Variants in WFS1 observed in about 807,000 individuals in gnomAD.
The protein encoded by WFS1 is wolframin ER transmembrane glycoprotein.
Under a neutral mutation model 68.5 loss-of-function variants are expected in WFS1, and 90 were observed. The observed-to-expected ratio is 1.31, with a 90% CI of 1.11 to 1.56. WFS1 has a LOEUF of 1.56. Among genes scored for constraint, WFS1 ranks in the 40% most tolerant of loss-of-function variants. The pLI is 0.00. For synonymous variants in WFS1, 860 were observed against 540.7 expected (o/e 1.59, Z -8.19); for missense variants, 1,767 against 1,232.6 (o/e 1.43, Z -6.49).
rs1163955914 is a variant in WFS1, at chr4:6,301,358, G to A, written c.1563G>A (p.Leu521=). 5.0e-6 allele frequency: 8 copies of A among 1,612,496 alleles called. No homozygotes were observed. The highest frequency in any genetic ancestry group is 6.8e-6 in the Non-Finnish European group (8 of 1,180,032). The change falls in exon 8 of 8, where the codon CTG becomes CTA. Residue 521 remains leucine (L), a synonymous_variant. Transcript: ENST00000226760. ...ATCTCTTCTTCCGCATGGCACAGCT[G>A]AGGAATTTCAAGGGCACCTACTGCT... ...LLYLFFRMAQ[L]RNFKGTYCYL... is the part of the protein sequence containing the mutation.
In WFS1 at chr4:6,291,351, C is replaced by T. The variant is rs954971844; in HGVS notation, c.615C>T (p.Gly205=). The T allele has an allele frequency of 5.4e-5, 87 of 1,612,790 alleles. No individual in the cohort carries two copies. Among genetic ancestry groups the T allele is most frequent in the Non-Finnish European group, 7.3e-5 (86 of 1,180,012 alleles). ...TGGCGGAGCTGCTGGAGAATGTCGG[C>T]CAGGTCAACGAGCACGGTGCGAGGA... ...VAVAELLENV[G]QVNEHDGGAQ... is the part of the protein sequence containing the mutation. The change falls in exon 5 of 8, where the codon GGC becomes GGT. Residue 205 remains glycine, a synonymous_variant. Coordinates refer to ENST00000226760, the MANE Select transcript of WFS1 (RefSeq NM_006005.3).
intron 4 of WFS1, 151 bp from the exon 5 acceptor site, chr4:6,291,046 C>A: frequency 1.5e-6 from 1 of 667,462 alleles, no homozygotes; most frequent in Non-Finnish European, 2.3e-6. Context: ...CCTCTTGAGT[C>A]AGATGTCCAT....
chr4:6,278,443 GC>G (rs560145773), intron 2 of WFS1, among the ~76,000 whole-genome samples: 105 of 152,236 alleles, frequency 6.9e-4, no homozygotes, highest in Non-Finnish European at 9.1e-4. Context: ...GCTCATCACT[GC>G]CCCTCCTGCC....
At chr4:6,275,200 T>C (rs1729958373) in intron 1 of WFS1, among the ~76,000 whole-genome samples, 1 of 152,092 alleles carries the variant, frequency 6.6e-6, no homozygotes, top group African/African-American at 2.4e-5. Flanking sequence ...TCAGTAAAGG[T>C]GCCCTCTCTC....
chr4:6,271,526 T>C (rs546233948), intron 1 of WFS1, among the ~76,000 whole-genome samples: 135 of 152,224 alleles, frequency 8.9e-4, no homozygotes, highest in African/African-American at 3.2e-3. Flanking sequence ...AGAATCATAA[T>C]AGGTCGGGAG....
At chr4:6,294,410 C>T (rs768489830) in intron 6 of WFS1, among the ~76,000 whole-genome samples, 7 of 151,948 alleles carry the variant, frequency 4.6e-5, no homozygotes, top group African/African-American at 1.2e-4. Flanking sequence ...CATGGCAGGA[C>T]GCATGTTGAA....
At position 6,295,015 on chromosome 4, in the gene WFS1, C is replaced by T. The variant is rs778026661; in HGVS notation, c.713-26C>T. ...GCAGTGGGGCTGCAGTGTGGGGCGC[C>T]CATGCTGTTTTCTCTCATGCTTCAG... On this transcript the variant is annotated intron_variant, in intron 6 of 7. Coordinates refer to ENST00000226760, the MANE Select transcript of WFS1 (RefSeq NM_006005.3). The T allele has an allele frequency of 8.1e-6, 13 of 1,612,736 alleles. 1 individual carries two copies. In the South Asian group the frequency reaches 1.4e-4, roughly 18 times the overall value.
Position 6,282,896 on chromosome 4 carries a change from T to C in WFS1, c.233-4197T>C, listed in dbSNP as rs79772547. ...GGATTTCAGAAGGAGAGAGGGCAGC[T>C]GCAGGCCCTATTTGCAGTGGCTTCC... is the stretch of plus-strand genomic sequence containing the variant. On this transcript the variant is annotated intron_variant, in intron 2 of 7. Transcript: ENST00000226760. Among the ~76,000 whole-genome samples, 777 of 152,362 alleles carry C rather than the reference T, an allele frequency of 5.1e-3. 6 individuals are homozygous for C. The highest frequency in any genetic ancestry group is 0.017 in the Middle Eastern group (5 of 294).
chr4:6,302,201 C>T lies in WFS1; in HGVS notation c.2406C>T (p.Ile802=), dbSNP rs201102144. The T allele has an allele frequency of 9.4e-5, 152 of 1,611,620 alleles. No individual in the cohort carries two copies. In the Middle Eastern group the frequency reaches 2.1e-3, roughly 23 times the overall value. ...AGGAGGACGACGTCACCAAGGACAT[C>T]GTGCTGCGGGCCAGCAGCGAGTTCA... ...SREEDDVTKD[I]VLRASSEFKS... Residue 802 remains isoleucine, a synonymous_variant, in exon 8 of 8, where the codon ATC becomes ATT. Transcript: ENST00000226760.
chr4:6,296,986 G>T (rs999342979), intron 7 of WFS1, among the ~76,000 whole-genome samples: 6 of 152,140 alleles, frequency 3.9e-5, no homozygotes, highest in Non-Finnish European at 8.8e-5. Context: ...ACCACACCCA[G>T]CTGATTTTTT....
chr4:6,296,822 C>T (rs1461619382), intron 7 of WFS1, among the ~76,000 whole-genome samples: 1 of 152,174 alleles, frequency 6.6e-6, no homozygotes, highest in African/African-American at 2.4e-5. Context: ...ATCTGAAAAT[C>T]CTATTTATTT....
At chr4:6,291,666 G>A (rs1396640871) in intron 5 of WFS1, among the ~76,000 whole-genome samples, 1 of 152,214 alleles carries the variant, frequency 6.6e-6, no homozygotes, top group Non-Finnish European at 1.5e-5. Context: ...CTGTGACCAC[G>A]TCTACCAATG....
At chr4:6,277,369 G>A in intron 1 of WFS1, 82 bp from the exon 2 acceptor site, 1 of 1,375,566 alleles carries the variant, frequency 7.3e-7, no homozygotes, top group Non-Finnish European at 1.0e-6. Flanking sequence ...GCCTCCCTCT[G>A]CTTTTCTGTC....
At chr4:6,276,628 C>A (rs557282098) in intron 1 of WFS1, among the ~76,000 whole-genome samples, 10 of 152,314 alleles carry the variant, frequency 6.6e-5, no homozygotes, top group African/African-American at 2.2e-4. Context: ...CCTCTTCTCC[C>A]CTCCCCAGCT....
At chr4:6,274,705 G>T (rs1450305135) in intron 1 of WFS1, among the ~76,000 whole-genome samples, 1 of 152,088 alleles carries the variant, frequency 6.6e-6, no homozygotes. Flanking sequence ...GGGGAGGGGG[G>T]TAAGAAGGCA....
chr4:6,296,220 G>C (rs369307591), intron 7 of WFS1, among the ~76,000 whole-genome samples: 1 of 152,166 alleles, frequency 6.6e-6, no homozygotes, highest in African/African-American at 2.4e-5. Flanking sequence ...CCCTCCGGTG[G>C]GGGGGAAGAG....
At position 6,301,151 on chromosome 4, in the gene WFS1, GC is replaced by G; in HGVS notation, c.1359del (p.Tyr454ThrfsTer23). ...ACCTGAGCCTGAGCACCCATGCAGAGCCCTACACGCGCAGGGCCCTGGCCAC... is the reference window on the plus strand; with the variant it reads ...ACCTGAGCCTGAGCACCCATGCAGAGCCTACACGCGCAGGGCCCTGGCCAC... ...SYLSLSTHAE[P>X]YTRRALATEV... On this transcript the variant is annotated frameshift_variant, in exon 8 of 8. Coordinates refer to ENST00000226760, the MANE Select transcript of WFS1 (RefSeq NM_006005.3). LOFTEE classifies it high-confidence loss of function. 1 of 1,613,020 alleles carries G rather than the reference GC, an allele frequency of 6.2e-7. No homozygotes were observed. Among genetic ancestry groups the G allele is most frequent in the East Asian group, 2.2e-5 (1 of 44,866 alleles).
rs1265822954 is a variant in WFS1 at position 6,287,067 on chromosome 4, G to C, written c.233-26G>C. On this transcript the variant is annotated intron_variant, in intron 2 of 7. Transcript: ENST00000226760. This position sits in a 1 kb window ranked among gnomAD's most constrained non-coding sequence, Gnocchi z 6.4. ...GTGACAAAGTCTGGCTTTGTGACAT[G>C]TGTGTTTGTTTCTTCTGTGTTAAAG... 2 of 1,548,930 alleles carry C rather than the reference G, an allele frequency of 1.3e-6. No homozygotes were observed. The highest frequency in any genetic ancestry group is 1.7e-6 in the Non-Finnish European group (2 of 1,143,612).
At position 6,280,185 on chromosome 4, in the gene WFS1, G is replaced by A. The variant is rs374740369; in HGVS notation, c.232+2498G>A. 1.2e-4 allele frequency among the ~76,000 whole-genome samples: 18 copies of A among 152,346 alleles called. No homozygotes were observed. The East Asian group carries it at 1.7e-3, about 15-fold the overall frequency. ...CATGGCAGCCCTGAGAGGGGAAACT[G>A]TGTCCTGTGTGGAGCGTGGATGCCC... On this transcript the variant is annotated intron_variant, in intron 2 of 7. Coordinates refer to ENST00000226760, the MANE Select transcript of WFS1 (RefSeq NM_006005.3).
Sources: allele counts gnomAD v4.1 joint callset (sites outside exome capture counted in the v4.1 genomes callset), GRCh38; gene constraint gnomAD v4.1.1; non-coding constraint Gnocchi (gnomAD v3.1); transcripts MANE v1.5; gene names NCBI Gene and HGNC (gene_info 2026-07-23, HGNC 2026-07-21).